The following EXOC6 variants were observed in gnomAD, a reference collection of about 807,000 sequenced individuals.
The protein encoded by EXOC6 is exocyst complex component 6, also known as SEC15-like 1.
In EXOC6, 60 loss-of-function variants were observed where a neutral mutation model predicts 112.5. That is an observed-to-expected ratio of 0.53 (90% CI 0.43 to 0.66). The LOEUF (loss-of-function observed/expected upper bound fraction) is 0.66. Ranked by LOEUF, EXOC6 falls within the 30% of genes least tolerant of loss-of-function variation. The pLI, the probability that EXOC6 is intolerant of heterozygous loss-of-function variation, is 0.00. For synonymous variants in EXOC6, 295 were observed against 308.0 expected (o/e 0.96, Z 0.44); for missense variants, 855 against 957.1 (o/e 0.89, Z 1.41).
At chr10:93,011,742 C>G (rs1844257678) in intron 19 of EXOC6, among the ~76,000 whole-genome samples, 1 of 151,826 alleles carries the variant, frequency 6.6e-6, no homozygotes, top group Non-Finnish European at 1.5e-5. Flanking sequence ...GCTACCTAGG[C>G]CATTTTCAGT....
chr10:92,872,432 GTATTC>G (rs1848497351), intron 1 of EXOC6, among the ~76,000 whole-genome samples: 1 of 151,914 alleles, frequency 6.6e-6, no homozygotes, highest in Non-Finnish European at 1.5e-5. Context: ...GTTTTCATGA[GTATTC>G]TATGTGGTCT....
chr10:93,000,259 C>T (rs1386554591), intron 19 of EXOC6, among the ~76,000 whole-genome samples: 1 of 152,106 alleles, frequency 6.6e-6, no homozygotes, highest in Admixed American at 6.6e-5. Context: ...ATGGAAATTA[C>T]TGTTTGATTA....
intron 1 of EXOC6, among the ~76,000 whole-genome samples, chr10:92,868,280 G>A (rs996357068): frequency 2.0e-5 from 3 of 151,856 alleles, no homozygotes; most frequent in Non-Finnish European, 4.4e-5. Context: ...CTTTTTTCAC[G>A]TGGCAACCCA....
Position 93,048,322 on chromosome 10 carries a change from A to T in EXOC6, c.2170-8602A>T, listed in dbSNP as rs190822762. Reference sequence around the variant, plus strand: ...TGAAGTGAATCTACTTGAGGAAATTATATGACAGGTTCTTTCTTCTATTGG... The same window carrying T: ...TGAAGTGAATCTACTTGAGGAAATTTTATGACAGGTTCTTTCTTCTATTGG... On this transcript the variant is annotated intron_variant, in intron 20 of 21. Coordinates refer to ENST00000260762, the MANE Select transcript of EXOC6 (RefSeq NM_019053.6). 3.0e-3 allele frequency among the ~76,000 whole-genome samples: 459 copies of T among 152,246 alleles called. 1 individual carries two copies. Among genetic ancestry groups the T allele is most frequent in the African/African-American group, 0.01 (430 of 41,556 alleles).
chr10:92,848,290 G>C (rs1847130076), upstream of EXOC6, among the ~76,000 whole-genome samples: 1 of 152,092 alleles, frequency 6.6e-6, no homozygotes, highest in South Asian at 2.1e-4. Context: ...TCGCGAGAGA[G>C]GGCAGGAGGC....
intron 1 of EXOC6, among the ~76,000 whole-genome samples, chr10:92,838,914 A>G (rs569962307): frequency 2.0e-5 from 3 of 152,240 alleles, no homozygotes; most frequent in Admixed American, 2.0e-4. Context: ...TCTACTGAAA[A>G]ATACAAAAAT....
chr10:92,907,108 G>A (rs1168870406), intron 5 of EXOC6, among the ~76,000 whole-genome samples: 1 of 152,142 alleles, frequency 6.6e-6, no homozygotes, highest in Non-Finnish European at 1.5e-5. Flanking sequence ...AGAAAGCAGA[G>A]TCTGAGGTAA....
At chr10:92,907,526 G>A (rs1325285271) in intron 5 of EXOC6, among the ~76,000 whole-genome samples, 2 of 152,152 alleles carry the variant, frequency 1.3e-5, no homozygotes, top group Admixed American at 1.3e-4. Context: ...TAAGTTGACT[G>A]TGTCTGTGGT....
At position 92,937,112 on chromosome 10, in the gene EXOC6, C is replaced by T. The variant is rs561811995; in HGVS notation, c.1212+1227C>T. ...TTTTGAGATTTCTAGCTTGTCCTTC[C>T]TCCTTGATCACAGATAATAAAGAAT... On this transcript the variant is annotated intron_variant, in intron 12 of 21. Coordinates refer to ENST00000260762, the MANE Select transcript of EXOC6 (RefSeq NM_019053.6). Among the ~76,000 whole-genome samples the T allele has an allele frequency of 5.2e-4, 79 of 152,210 alleles. 1 individual carries two copies. The highest frequency in any genetic ancestry group is 1.9e-3 in the African/African-American group (79 of 41,526).
chr10:92,994,520 A>T (rs1330400563), intron 18 of EXOC6, among the ~76,000 whole-genome samples: 1 of 152,182 alleles, frequency 6.6e-6, no homozygotes, highest in Non-Finnish European at 1.5e-5. Flanking sequence ...AACTTTGTAG[A>T]GAGAGGGAAA....
intron 19 of EXOC6, among the ~76,000 whole-genome samples, chr10:93,006,883 C>G (rs1278909565): frequency 6.6e-6 from 1 of 152,126 alleles, no homozygotes; most frequent in African/African-American, 2.4e-5. Flanking sequence ...TGGTCATTTG[C>G]AAGCAAGATC....
intron 20 of EXOC6, among the ~76,000 whole-genome samples, chr10:93,022,908 A>G (rs1844849812): frequency 6.6e-6 from 1 of 151,680 alleles, no homozygotes; most frequent in East Asian, 1.9e-4. Flanking sequence ...TAACACTTTT[A>G]TATGAAGTAG....
At chr10:92,827,836 C>G (rs1474784777) in intron 1 of EXOC6, among the ~76,000 whole-genome samples, 1 of 152,162 alleles carries the variant, frequency 6.6e-6, no homozygotes, top group African/African-American at 2.4e-5. Flanking sequence ...CAATTCAACG[C>G]TGACCTCTGG....
chr10:93,027,601 G>A (rs1484337843), intron 20 of EXOC6, among the ~76,000 whole-genome samples: 1 of 152,120 alleles, frequency 6.6e-6, no homozygotes. Context: ...AAAACCCAAG[G>A]GCCCTTAAGA....
At chr10:92,858,501 A>G (rs984965899) in intron 1 of EXOC6, among the ~76,000 whole-genome samples, 1 of 150,666 alleles carries the variant, frequency 6.6e-6, no homozygotes. Flanking sequence ...ATATTCACTG[A>G]TTCTTCCTTC....
At chr10:92,827,635 A>G (rs1294242692) in intron 1 of EXOC6, among the ~76,000 whole-genome samples, 10 of 152,084 alleles carry the variant, frequency 6.6e-5, no homozygotes. Flanking sequence ...GGTGAGTGAT[A>G]TCTTGTGGCA....
chr10:92,904,297 A>G (rs941852384), intron 5 of EXOC6, among the ~76,000 whole-genome samples: 9 of 152,066 alleles, frequency 5.9e-5, no homozygotes, highest in African/African-American at 2.2e-4. Context: ...TAAATTTTCA[A>G]TTAATGTGGG....
intron 18 of EXOC6, among the ~76,000 whole-genome samples, chr10:92,977,983 T>C (rs1589962454): frequency 1.3e-5 from 2 of 152,228 alleles, no homozygotes; most frequent in East Asian, 3.8e-4. Context: ...AGTCTTCATA[T>C]GCCATTTTGG....
chr10:92,843,403 A>G (rs1279948112), intron 1 of EXOC6, among the ~76,000 whole-genome samples: 1 of 152,246 alleles, frequency 6.6e-6, no homozygotes, highest in Non-Finnish European at 1.5e-5. Context: ...GACTGCCTGT[A>G]CTTTACATTT....
Sources: allele counts gnomAD v4.1 joint callset (sites outside exome capture counted in the v4.1 genomes callset), GRCh38; gene constraint gnomAD v4.1.1; transcripts MANE v1.5; gene names NCBI Gene and HGNC (gene_info 2026-07-23, HGNC 2026-07-21).